GNG7: variants seen among roughly 807,000 people sequenced by gnomAD.
The protein encoded by GNG7 is guanine nucleotide-binding protein G(I)/G(S)/G(O) subunit gamma-7.
GNG7 carries 1 observed loss-of-function variant against 4.0 expected under a neutral mutation model. That is an observed-to-expected ratio of 0.25 (90% CI 0.09 to 1.18). The LOEUF is 1.18. GNG7 is among the 50% of genes most tolerant of loss of function. The pLI is 0.50. For missense variants in GNG7, 86 were observed against 91.9 expected (o/e 0.94, Z 0.26); for synonymous variants, 34 against 36.9 (o/e 0.92, Z 0.29).
Position 2,511,735 on chromosome 19 carries a change from C to T in GNG7, c.*3287G>A, listed in dbSNP as rs1021655033. The T allele has an allele frequency of 8.7e-6, 8 of 914,408 alleles. No individual in the cohort carries two copies. Among genetic ancestry groups the T allele is most frequent in the African/African-American group, 5.4e-5 (3 of 55,674 alleles). The allele number at this position is 914,408 out of a possible 1,614,324, so 56.6% of individuals were successfully genotyped here. A position where few individuals can be genotyped will look rare whatever the true frequency, so the allele number is the denominator to read the frequency against. ...GGTGGCCGGCCCGTCAAAGGGACCA[C>T]GCAGAAGGAGGGAAACAGGAGCACC... On this transcript the variant is annotated 3_prime_UTR_variant, in exon 5 of 5. Coordinates refer to ENST00000382159, the MANE Select transcript of GNG7 (RefSeq NM_052847.3). This position sits in a 1 kb window ranked among gnomAD's most constrained non-coding sequence, Gnocchi z 6.3.
intron 3 of GNG7, among the ~76,000 whole-genome samples, chr19:2,548,774 C>T (rs12979137): frequency 0.26 from 33,869 of 128,962 alleles, 3,115 homozygotes; most frequent in East Asian, 0.36. Context: ...GGGTGCAGAG[C>T]GAGACTCTGT....
intron 2 of GNG7, among the ~76,000 whole-genome samples, chr19:2,568,489 C>T (rs117154870): frequency 0.022 from 3,265 of 151,546 alleles, 34 homozygotes; most frequent in Middle Eastern, 0.034. Flanking sequence ...CACAGACTTA[C>T]GCACATACAC....
chr19:2,578,358 T>G (rs1245941514), intron 2 of GNG7, among the ~76,000 whole-genome samples: 1 of 152,162 alleles, frequency 6.6e-6, no homozygotes, highest in Non-Finnish European at 1.5e-5. Context: ...CTCGCCCTGT[T>G]CTCTACTATG....
chr19:2,650,785 T>C (rs57715010), intron 1 of GNG7, among the ~76,000 whole-genome samples: 87,604 of 152,036 alleles, frequency 0.58, 25,279 homozygotes, highest in Admixed American at 0.65. Flanking sequence ...AGAAACGCTG[T>C]GTTTTCATGT....
In GNG7 at chr19:2,511,278, C is replaced by G. The variant is rs1972651644; in HGVS notation, c.*3744G>C. 1 of 152,222 alleles carries G rather than the reference C, an allele frequency of 6.6e-6. No homozygotes were observed. Among genetic ancestry groups the G allele is most frequent in the African/African-American group, 2.4e-5 (1 of 41,448 alleles). 9.4% of individuals were successfully genotyped at this position (152,222 alleles called of 1,614,324 possible). On this transcript the variant is annotated 3_prime_UTR_variant, in exon 5 of 5. Transcript: ENST00000382159. This position sits in a 1 kb window ranked among gnomAD's most constrained non-coding sequence, Gnocchi z 6.3. ...TTCACGTGGTATCGACAACTCCACA[C>G]AATATTAAAACACTGCGAGAAAGTG...
chr19:2,621,527 A>G (rs1317540739), intron 2 of GNG7, among the ~76,000 whole-genome samples: 1 of 151,448 alleles, frequency 6.6e-6, no homozygotes, highest in Non-Finnish European at 1.5e-5. Context: ...GACAAACCTC[A>G]TCTCTACTAA....
intron 3 of GNG7, among the ~76,000 whole-genome samples, chr19:2,539,655 C>T (rs1331288320): frequency 6.6e-6 from 1 of 152,104 alleles, no homozygotes; most frequent in Non-Finnish European, 1.5e-5. Flanking sequence ...TGGACACACA[C>T]CTGACACGGT....
At position 2,569,477 on chromosome 19, in the gene GNG7, G is replaced by A. The variant is rs113011356; in HGVS notation, c.-77-14289C>T. ...TTTTTAGTAGAGACGAGGGTTCACC[G>A]GGTTAGCCAGGATGGTCTCGATCTC... is the stretch of plus-strand genomic sequence containing the variant. On this transcript the variant is annotated intron_variant, in intron 2 of 4. Transcript: ENST00000382159. 7.8e-3 allele frequency among the ~76,000 whole-genome samples: 1,193 copies of A among 152,128 alleles called. 21 individuals carry two copies. The highest frequency in any genetic ancestry group is 0.027 in the African/African-American group (1,135 of 41,508).
intron 1 of GNG7, among the ~76,000 whole-genome samples, chr19:2,674,823 A>G (rs975732325): frequency 5.3e-5 from 8 of 152,148 alleles, no homozygotes; most frequent in African/African-American, 1.9e-4. Context: ...TCCTTATGTG[A>G]TGGTCGTAAC....
rs112173850 is a variant in GNG7 at position 2,626,083 on chromosome 19, C to T, written c.-78+20141G>A. 3.2e-3 allele frequency among the ~76,000 whole-genome samples: 494 copies of T among 152,268 alleles called. 4 individuals carry two copies. The highest frequency in any genetic ancestry group is 0.011 in the African/African-American group (471 of 41,558). ...GATGACAGGCGTGAGCCATGGCGCC[C>T]GGCCTGATTATTTCATTTACTCCCT... On this transcript the variant is annotated intron_variant, in intron 2 of 4. Coordinates refer to ENST00000382159, the MANE Select transcript of GNG7 (RefSeq NM_052847.3). This position sits in a 1 kb window ranked among gnomAD's most constrained non-coding sequence, Gnocchi z 5.0.
intron 2 of GNG7, among the ~76,000 whole-genome samples, chr19:2,577,992 C>T (rs970299277): frequency 6.6e-6 from 1 of 151,974 alleles, no homozygotes; most frequent in Non-Finnish European, 1.5e-5. Flanking sequence ...TGTGCACCAC[C>T]ACGCCCGGCT....
rs1313688694 is a variant in GNG7 at position 2,512,314 on chromosome 19, A to G, written c.*2708T>C. 1.0e-6 allele frequency: 1 copy of G among 985,702 alleles called. No homozygotes were observed. The highest frequency in any genetic ancestry group is 1.1e-4 in the East Asian group (1 of 8,822). 61.1% of individuals were successfully genotyped at this position (985,702 alleles called of 1,614,324 possible). On this transcript the variant is annotated 3_prime_UTR_variant, in exon 5 of 5. Transcript: ENST00000382159. This position sits in a 1 kb window ranked among gnomAD's most constrained non-coding sequence, Gnocchi z 4.7. ...TGTGCACTCGGGTGCCACGTCTGCA[A>G]AGGTATTTTCCACAGTGTGGTCACT...
chr19:2,553,549 T>C (rs1979413750), intron 3 of GNG7, among the ~76,000 whole-genome samples: 1 of 148,900 alleles, frequency 6.7e-6, no homozygotes, highest in Non-Finnish European at 1.5e-5. Flanking sequence ...ACATTACATA[T>C]ATGTAATATC....
chr19:2,669,998 A>C lies in GNG7; in HGVS notation c.-134-23718T>G, dbSNP rs572528620. Among the ~76,000 whole-genome samples, 3 of 148,632 alleles carry C rather than the reference A, an allele frequency of 2.0e-5. No homozygotes were observed. In the East Asian group the frequency reaches 5.9e-4, roughly 29 times the overall value. On this transcript the variant is annotated intron_variant, in intron 1 of 4. Coordinates refer to ENST00000382159, the MANE Select transcript of GNG7 (RefSeq NM_052847.3). ...GCACTCCAGACTGGGTGACAGAGCG[A>C]GACTCTGTCTCAAAAAAAAAAAAAA...
chr19:2,560,406 G>C (rs1291809364), intron 2 of GNG7, among the ~76,000 whole-genome samples: 1 of 152,046 alleles, frequency 6.6e-6, no homozygotes, highest in Admixed American at 6.5e-5. Flanking sequence ...CCTGCTTTAG[G>C]GGGCCCAAGC....
In GNG7 at chr19:2,512,323, T is replaced by C; in HGVS notation, c.*2699A>G. 1.0e-6 allele frequency: 1 copy of C among 985,674 alleles called. No homozygotes were observed. Among genetic ancestry groups the C allele is most frequent in the Non-Finnish European group, 1.2e-6 (1 of 829,894 alleles). 61.1% of individuals were successfully genotyped at this position (985,674 alleles called of 1,614,324 possible). ...GGGTGCCACGTCTGCAAAGGTATTT[T>C]CCACAGTGTGGTCACTGAAGTCTAC... On this transcript the variant is annotated 3_prime_UTR_variant, in exon 5 of 5. Transcript: ENST00000382159. This position sits in a 1 kb window ranked among gnomAD's most constrained non-coding sequence, Gnocchi z 4.7.
chr19:2,695,067 T>G (rs1913213564), intron 1 of GNG7, among the ~76,000 whole-genome samples: 1 of 152,012 alleles, frequency 6.6e-6, no homozygotes, highest in South Asian at 2.1e-4. Flanking sequence ...TCCCAGCTAC[T>G]CTGGGAGGCT....
rs192142188 is a variant in GNG7, at chr19:2,700,180, T to C, written c.-135+2466A>G. Among the ~76,000 whole-genome samples, 953 of 151,572 alleles carry C rather than the reference T, an allele frequency of 6.3e-3. 12 individuals carry two copies. Among genetic ancestry groups the C allele is most frequent in the African/African-American group, 0.022 (900 of 41,310 alleles). On this transcript the variant is annotated intron_variant, in intron 1 of 4. Transcript: ENST00000382159. ...TTTTTGAGGCAGAGTCTCTCTCTGT[T>C]GCCCAGGCTGGAGTGCAATGGCGTG...
chr19:2,637,069 A>C, intron 2 of GNG7, among the ~76,000 whole-genome samples: 2 of 135,994 alleles, frequency 1.5e-5, no homozygotes, highest in Admixed American at 7.1e-5. Context: ...CCCCGTCCCT[A>C]CCTGCACCCC....
Sources: allele counts gnomAD v4.1 joint callset (sites outside exome capture counted in the v4.1 genomes callset), GRCh38; gene constraint gnomAD v4.1.1; non-coding constraint Gnocchi (gnomAD v3.1); transcripts MANE v1.5; gene names NCBI Gene and HGNC (gene_info 2026-07-23, HGNC 2026-07-21).